MARCHF1: variants seen among roughly 807,000 people sequenced by gnomAD.
The protein encoded by MARCHF1 is E3 ubiquitin-protein ligase MARCHF1.
Under a neutral mutation model 54.2 loss-of-function variants are expected in MARCHF1, and 40 were observed. The ratio of observed to expected loss-of-function variants is 0.74; its 90% confidence interval spans 0.57 to 0.96. The LOEUF (loss-of-function observed/expected upper bound fraction) is 0.96. Ranked by LOEUF, MARCHF1 falls within the 40% of genes least tolerant of loss-of-function variation. MARCHF1 has a pLI of 0.00. For synonymous variants in MARCHF1, 236 were observed against 236.3 expected (o/e 1.00, Z 0.01); for missense variants, 586 against 656.5 (o/e 0.89, Z 1.17).
intron 5 of MARCHF1, among the ~76,000 whole-genome samples, chr4:163,636,940 T>A (rs530253729): frequency 6.6e-6 from 1 of 152,054 alleles, no homozygotes; most frequent in Non-Finnish European, 1.5e-5. Context: ...GAAATAACGC[T>A]GCATATCTAC....
At chr4:163,936,083 G>A (rs918335108) in intron 3 of MARCHF1, among the ~76,000 whole-genome samples, 3 of 152,066 alleles carry the variant, frequency 2.0e-5, no homozygotes. Flanking sequence ...AGGAAGGTCC[G>A]AGGACAGGGA....
At chr4:163,812,803 T>C (rs555505916) in intron 4 of MARCHF1, among the ~76,000 whole-genome samples, 19 of 152,230 alleles carry the variant, frequency 1.2e-4, no homozygotes, top group African/African-American at 4.3e-4. Context: ...ACCTAAACTT[T>C]TGAAACCAAA....
At chr4:163,707,440 T>C (rs546084695) in intron 4 of MARCHF1, among the ~76,000 whole-genome samples, 4 of 152,144 alleles carry the variant, frequency 2.6e-5, no homozygotes, top group African/African-American at 9.6e-5. Context: ...GAATTACATA[T>C]TGTCAATAAA....
intron 7 of MARCHF1, among the ~76,000 whole-genome samples, chr4:163,597,437 T>G (rs1448542962): frequency 6.6e-6 from 1 of 152,220 alleles, no homozygotes; most frequent in Non-Finnish European, 1.5e-5. Flanking sequence ...CCAAAAGCTG[T>G]GTATGAAGTT....
chr4:164,193,805 T>C (rs1731184190), intron 1 of MARCHF1, among the ~76,000 whole-genome samples: 1 of 152,180 alleles, frequency 6.6e-6, no homozygotes, highest in African/African-American at 2.4e-5. Flanking sequence ...TTCAGACCAA[T>C]AGTCCAATGT....
At chr4:163,834,102 T>C (rs563177561) in intron 4 of MARCHF1, among the ~76,000 whole-genome samples, 1 of 152,302 alleles carries the variant, frequency 6.6e-6, no homozygotes, top group East Asian at 1.9e-4. Context: ...AGAGACAATA[T>C]GTTCTCTAAC....
At chr4:163,854,477 A>C (rs997756345) in intron 3 of MARCHF1, among the ~76,000 whole-genome samples, 1 of 152,326 alleles carries the variant, frequency 6.6e-6, no homozygotes, top group South Asian at 2.1e-4. Flanking sequence ...AGATCAGCTT[A>C]TAACAGTAAG....
chr4:163,529,189 G>T, intron 9 of MARCHF1, 143 bp from the exon 10 acceptor site: 1 of 647,674 alleles, frequency 1.5e-6, no homozygotes, highest in Non-Finnish European at 2.7e-6. Context: ...TTCATAACTA[G>T]AAAGAATTAT....
chr4:164,030,079 TA>T (rs1440105210), intron 2 of MARCHF1, among the ~76,000 whole-genome samples: 1 of 152,212 alleles, frequency 6.6e-6, no homozygotes, highest in East Asian at 1.9e-4. Context: ...AAGCAATATG[TA>T]ATTAATACAT....
At chr4:163,578,317 G>A (rs1740105118) in intron 8 of MARCHF1, among the ~76,000 whole-genome samples, 1 of 152,014 alleles carries the variant, frequency 6.6e-6, no homozygotes, top group Admixed American at 6.6e-5. Flanking sequence ...AGCAAGTGAG[G>A]TTATGTTTTC....
At chr4:163,593,559 T>C (rs1740660991) in intron 7 of MARCHF1, among the ~76,000 whole-genome samples, 2 of 152,244 alleles carry the variant, frequency 1.3e-5, no homozygotes. Context: ...TAATTCAAAC[T>C]GATTTTCTGA....
At chr4:163,606,372 G>T (rs879782399) in intron 7 of MARCHF1, among the ~76,000 whole-genome samples, 1 of 152,052 alleles carries the variant, frequency 6.6e-6, no homozygotes, top group Non-Finnish European at 1.5e-5. Flanking sequence ...ATTGTGGAGG[G>T]CACAAAACAG....
chr4:163,691,764 G>C (rs566282278), intron 5 of MARCHF1, among the ~76,000 whole-genome samples: 2 of 152,228 alleles, frequency 1.3e-5, no homozygotes, highest in South Asian at 2.1e-4. Flanking sequence ...GGATCTCAGT[G>C]GTCCAAGCAG....
intron 1 of MARCHF1, among the ~76,000 whole-genome samples, chr4:164,175,754 T>G (rs942403050): frequency 5.3e-5 from 8 of 152,190 alleles, no homozygotes; most frequent in African/African-American, 1.9e-4. Context: ...CTGCCAGAAC[T>G]TCCAGCCCAC....
intron 1 of MARCHF1, among the ~76,000 whole-genome samples, chr4:164,122,680 T>C (rs1756095126): frequency 6.6e-6 from 1 of 152,080 alleles, no homozygotes. Context: ...GCTGTTTCTC[T>C]TTCTCTTCAC....
intron 1 of MARCHF1, among the ~76,000 whole-genome samples, chr4:164,344,292 T>C (rs1730013058): frequency 6.6e-6 from 1 of 151,982 alleles, no homozygotes; most frequent in South Asian, 2.1e-4. Flanking sequence ...ATTACTGGAG[T>C]GAAAAAATAA....
intron 1 of MARCHF1, among the ~76,000 whole-genome samples, chr4:164,145,601 G>C (rs1337533336): frequency 6.6e-6 from 1 of 152,110 alleles, no homozygotes; most frequent in Non-Finnish European, 1.5e-5. Context: ...ATTCAGAAAA[G>C]GCCTTCGACA....
intron 5 of MARCHF1, among the ~76,000 whole-genome samples, chr4:163,670,425 A>C (rs936234236): frequency 1.4e-5 from 2 of 143,478 alleles, no homozygotes; most frequent in African/African-American, 5.5e-5. Flanking sequence ...TATCTATGGA[A>C]AAATTCTTAT....
chr4:164,288,675 C>T (rs373286176), intron 1 of MARCHF1, among the ~76,000 whole-genome samples: 26 of 152,124 alleles, frequency 1.7e-4, no homozygotes, highest in African/African-American at 4.6e-4. Context: ...AATCCAAAAA[C>T]TGTAATTATC....
Sources: gnomAD v4.1 joint callset for allele counts (sites outside exome capture counted in the v4.1 genomes callset) on GRCh38, gnomAD v4.1.1 for gene constraint, MANE v1.5 for transcripts, NCBI Gene and HGNC (gene_info 2026-07-23, HGNC 2026-07-21) for gene names.